Variants in FBXO4 observed in about 807,000 individuals in gnomAD.
FBXO4 encodes F-box only protein 4.
In FBXO4, 36 loss-of-function variants were observed where a neutral mutation model predicts 43.7. That is an observed-to-expected ratio of 0.82 (90% CI 0.63 to 1.09). The LOEUF (loss-of-function observed/expected upper bound fraction) is 1.09, where lower values mean the gene tolerates loss of function less well. Ranked by LOEUF, FBXO4 falls within the 50% of genes least tolerant of loss-of-function variation. The pLI is 0.00. For missense variants in FBXO4, 435 were observed against 474.1 expected (o/e 0.92, Z 0.77); for synonymous variants, 180 against 165.6 (o/e 1.09, Z -0.67).
rs1751942507 is a variant in FBXO4, at chr5:41,939,508, A to T, written c.966A>T (p.Gly322=). ...AMTDPAFGSS[G]RPLLVLSCIS... is the part of the protein sequence containing the mutation. ...CAGATCCAGCCTTTGGGTCTTCGGGAAGACCATTGTTGGTTTTATCTTGTA... is the reference window on the plus strand; with the variant it reads ...CAGATCCAGCCTTTGGGTCTTCGGGTAGACCATTGTTGGTTTTATCTTGTA... The change falls in exon 6 of 7, where the codon GGA becomes GGT. Residue 322 remains glycine, a synonymous_variant. Coordinates refer to ENST00000281623, the MANE Select transcript of FBXO4 (RefSeq NM_012176.3). The T allele has an allele frequency of 6.2e-7, 1 of 1,613,766 alleles. No homozygotes were observed. Among genetic ancestry groups the T allele is most frequent in the Admixed American group, 1.7e-5 (1 of 59,974 alleles).
the FBXO4 span, among the ~76,000 whole-genome samples, chr5:42,001,760 C>T: frequency 6.6e-6 from 1 of 152,162 alleles, no homozygotes; most frequent in Admixed American, 6.5e-5. Flanking sequence ...GGTATGAGAT[C>T]AACTCACTAC....
intron 3 of FBXO4, among the ~76,000 whole-genome samples, chr5:41,931,532 A>C (rs1751688142): frequency 6.6e-6 from 1 of 152,230 alleles, no homozygotes; most frequent in African/African-American, 2.4e-5. Context: ...ACTATAAGCA[A>C]ATCTGCTAGA....
Position 41,927,671 on chromosome 5 carries a change from C to G in FBXO4, c.425+423C>G, listed in dbSNP as rs1220359197. 2.0e-5 allele frequency among the ~76,000 whole-genome samples: 3 copies of G among 152,210 alleles called. No individual in the cohort carries two copies. The East Asian group carries it at 5.8e-4, about 29-fold the overall frequency. ...TTATATTAGCACCGAAAAGCACTGA[C>G]ATTTTTTAATATTGCGTAGGTGAGA... On this transcript the variant is annotated intron_variant, in intron 2 of 6. Transcript: ENST00000281623.
the FBXO4 span, among the ~76,000 whole-genome samples, chr5:42,003,884 C>T: frequency 6.6e-6 from 1 of 152,162 alleles, no homozygotes; most frequent in East Asian, 1.9e-4. Flanking sequence ...GGTATATACC[C>T]AAAGAATTAT....
intron 5 of FBXO4, among the ~76,000 whole-genome samples, chr5:41,935,821 C>T (rs1179662651): frequency 6.6e-6 from 1 of 152,272 alleles, no homozygotes; most frequent in Admixed American, 6.5e-5. Context: ...TTCCCCATAA[C>T]CCCCATGGCA....
At chr5:42,035,866 T>A in the FBXO4 span, among the ~76,000 whole-genome samples, 1 of 152,120 alleles carries the variant, frequency 6.6e-6, no homozygotes, top group Non-Finnish European at 1.5e-5. Context: ...TAATATTTTT[T>A]ATTGGCTCAT....
chr5:41,952,620 T>C, the FBXO4 span, among the ~76,000 whole-genome samples: 2 of 152,170 alleles, frequency 1.3e-5, no homozygotes, highest in Admixed American at 1.3e-4. Context: ...TATCTTCCCA[T>C]GTCCTGTCCA....
chr5:42,021,273 T>G, the FBXO4 span, among the ~76,000 whole-genome samples: 1 of 152,120 alleles, frequency 6.6e-6, no homozygotes, highest in African/African-American at 2.4e-5. Context: ...GGAACGGACA[T>G]GGATACAAGG....
At chr5:41,967,525 G>T in the FBXO4 span, 1 of 889,210 alleles carries the variant, frequency 1.1e-6, no homozygotes, top group Non-Finnish European at 1.8e-6. Flanking sequence ...CATCACCTCC[G>T]TGACGTTCAT....
the FBXO4 span, among the ~76,000 whole-genome samples, chr5:42,039,085 T>G: frequency 4.6e-5 from 7 of 152,112 alleles, no homozygotes; most frequent in Non-Finnish European, 7.4e-5. Context: ...TTATTCTAAC[T>G]GTAATGACAA....
At chr5:42,037,219 G>A in the FBXO4 span, among the ~76,000 whole-genome samples, 1 of 151,950 alleles carries the variant, frequency 6.6e-6, no homozygotes. Flanking sequence ...TATTTTGTAG[G>A]AGTTACCTTG....
At chr5:42,034,442 C>T in the FBXO4 span, among the ~76,000 whole-genome samples, 2 of 152,098 alleles carry the variant, frequency 1.3e-5, no homozygotes. Flanking sequence ...TTTGTCCATG[C>T]CTGTGTCCTG....
chr5:42,023,960 T>TG, the FBXO4 span, among the ~76,000 whole-genome samples: 1 of 152,078 alleles, frequency 6.6e-6, no homozygotes, highest in South Asian at 2.1e-4. Context: ...TCAGGTTTGC[T>TG]GGCTGTTGGC....
At chr5:41,928,338 CTTTT>C (rs560942725) in intron 2 of FBXO4, among the ~76,000 whole-genome samples, 1 of 141,426 alleles carries the variant, frequency 7.1e-6, no homozygotes. Context: ...TCTTTCTTTT[CTTTT>C]TTTTTTTTTT....
chr5:42,035,307 G>A, the FBXO4 span, among the ~76,000 whole-genome samples: 13 of 152,046 alleles, frequency 8.6e-5, no homozygotes, highest in African/African-American at 2.9e-4. Flanking sequence ...ATTTGAATAC[G>A]CTTTATTTCT....
chr5:41,994,406 G>A, the FBXO4 span, among the ~76,000 whole-genome samples: 1 of 152,194 alleles, frequency 6.6e-6, no homozygotes, highest in African/African-American at 2.4e-5. Flanking sequence ...GTGGTAGCTT[G>A]TATTGATGAC....
chr5:41,969,928 T>G, the FBXO4 span, among the ~76,000 whole-genome samples: 3 of 152,094 alleles, frequency 2.0e-5, no homozygotes, highest in Admixed American at 6.6e-5. Context: ...TAGAATTAAG[T>G]GTAAATGCTG....
chr5:42,006,489 C>T, the FBXO4 span, among the ~76,000 whole-genome samples: 4 of 151,854 alleles, frequency 2.6e-5, no homozygotes, highest in Admixed American at 2.0e-4. Context: ...ATCTAAACAC[C>T]TTGGCAACAT....
At chr5:41,961,710 G>C in the FBXO4 span, among the ~76,000 whole-genome samples, 1 of 152,322 alleles carries the variant, frequency 6.6e-6, no homozygotes, top group East Asian at 1.9e-4. Context: ...GTGCTAACTA[G>C]CTCAATATGG....
Sources: allele counts gnomAD v4.1 joint callset (sites outside exome capture counted in the v4.1 genomes callset), GRCh38; gene constraint gnomAD v4.1.1; transcripts MANE v1.5; gene names NCBI Gene and HGNC (gene_info 2026-07-23, HGNC 2026-07-21).